The following EHBP1L1 variants were observed in gnomAD, a reference collection of about 807,000 sequenced individuals.
EHBP1L1 encodes EH domain binding protein 1 like 1, also known as EH domain-binding protein 1-like protein 1.
EHBP1L1 carries 122 observed loss-of-function variants against 151.1 expected under a neutral mutation model. The observed-to-expected ratio is 0.81, with a 90% confidence interval of 0.70 to 0.94. The LOEUF is 0.94. Among genes scored for constraint, EHBP1L1 ranks in the 40% least tolerant of loss-of-function variants. The pLI is 0.00. For missense variants in EHBP1L1, 1,941 were observed against 1,959.8 expected, an observed-to-expected ratio of 0.99 and a Z score of 0.18; for synonymous variants, 878 against 810.1, an observed-to-expected ratio of 1.08 and a Z score of -1.42.
In EHBP1L1 at chr11:65,588,746, C is replaced by T. The variant is rs373021615; in HGVS notation, c.3934-1005C>T. 5.2e-4 allele frequency among the ~76,000 whole-genome samples: 79 copies of T among 152,340 alleles called. 1 individual carries two copies. The South Asian group carries it at 0.016, about 30-fold the overall frequency. On this transcript the variant is annotated intron_variant, in intron 12 of 18. Transcript: ENST00000309295. Reference sequence around the variant, plus strand: ...GACAGTCCCAACAAGTCACTAGGGGCGGGCAGGTACATGGGGTCAGCCCTG... The same window carrying T: ...GACAGTCCCAACAAGTCACTAGGGGTGGGCAGGTACATGGGGTCAGCCCTG...
At chr11:65,590,370 CGAG>C in intron 15 of EHBP1L1, 120 bp from the exon 16 acceptor site, 1 of 1,493,416 alleles carries the variant, frequency 6.7e-7, no homozygotes, top group Non-Finnish European at 9.0e-7. Flanking sequence ...GTGGCTTCCT[CGAG>C]GCACACAGTT....
intron 12 of EHBP1L1, 37 bp from the exon 13 acceptor site, chr11:65,589,714 A>C: frequency 6.7e-7 from 1 of 1,495,614 alleles, no homozygotes; most frequent in East Asian, 2.5e-5. Context: ...GCTGGTGGGA[A>C]ACCCCTCCCA....
intron 3 of EHBP1L1, 138 bp downstream of exon 3, chr11:65,579,574 C>T: frequency 2.9e-6 from 2 of 701,426 alleles, no homozygotes; most frequent in Non-Finnish European, 4.5e-6. Flanking sequence ...GGGGGGCCTG[C>T]TCAGCATCAC....
At position 65,582,973 on chromosome 11, in the gene EHBP1L1, G is replaced by A; in HGVS notation, c.2301G>A (p.Gly767=). 6.2e-7 allele frequency: 1 copy of A among 1,613,044 alleles called. No homozygotes were observed. The highest frequency in any genetic ancestry group is 8.5e-7 in the Non-Finnish European group (1 of 1,179,582). Residue 767 remains glycine, a synonymous_variant, in exon 9 of 19, where the codon GGG becomes GGA. Coordinates refer to ENST00000309295, the MANE Select transcript of EHBP1L1 (RefSeq NM_001099409.3). ...GLLGVLGIET[G]AAEGAILGTQ... is the part of the protein sequence containing the mutation. ...TGGGGGTTCTGGGAATAGAGACTGGGGCAGCAGAAGGTGCGATATTGGGGA... is the reference window on the plus strand; with the variant it reads ...TGGGGGTTCTGGGAATAGAGACTGGAGCAGCAGAAGGTGCGATATTGGGGA...
At chr11:65,590,066 C>G in intron 14 of EHBP1L1, 21 bp from the exon 15 acceptor site, 1 of 1,613,796 alleles carries the variant, frequency 6.2e-7, no homozygotes. Context: ...CCACCCTGTT[C>G]TCTGCCTTTT....
Position 65,580,317 on chromosome 11 carries a change from C to G in EHBP1L1, c.492-20C>G. 6.2e-7 allele frequency: 1 copy of G among 1,613,604 alleles called. No individual in the cohort carries two copies. The highest frequency in any genetic ancestry group is 2.2e-5 in the East Asian group (1 of 44,888). On this transcript the variant is annotated intron_variant, in intron 5 of 18. Transcript: ENST00000309295. ...CTGTGACCTCTGACTCCACCCTCAC[C>G]TTTAACCTCTGCCTCCCAGGGACGA...
chr11:65,584,791 C>A, intron 11 of EHBP1L1, 168 bp from the exon 12 acceptor site: 1 of 1,058,362 alleles, frequency 9.4e-7, no homozygotes, highest in South Asian at 1.6e-5. Context: ...TGCTAAGCAA[C>A]GCGAGGGCGG....
In EHBP1L1 at chr11:65,589,816, C is replaced by G. The variant is rs374371821; in HGVS notation, c.3999C>G (p.Pro1333=). 6 of 1,563,362 alleles carry G rather than the reference C, an allele frequency of 3.8e-6. No individual in the cohort carries two copies. The African/African-American group carries it at 5.4e-5, about 14-fold the overall frequency. Residue 1333 remains proline (P), a synonymous_variant, in exon 13 of 19, where the codon CCC becomes CCG. Transcript: ENST00000309295. ...CCACAGCTGCAGACTCTCAACAGCCCCCTGGTGAGTAGCAGGAGTGGTGAC... is the reference window on the plus strand; with the variant it reads ...CCACAGCTGCAGACTCTCAACAGCCGCCTGGTGAGTAGCAGGAGTGGTGAC... ...GPPTAADSQQ[P]PGGSSPSEEP...
rs758253319 is a variant in EHBP1L1, at chr11:65,582,723, A to G, written c.2051A>G (p.Asp684Gly). Residue 684 changes from aspartate (D) to glycine (G), a missense_variant, in exon 9 of 19, where the codon GAT becomes GGT. Transcript: ENST00000309295. Reference sequence around the variant, plus strand: ...CTGGTGACCCAGGAGATATCTGGGGATTTAGGGCCACTGAAGATAGAAGAT... The same window carrying G: ...CTGGTGACCCAGGAGATATCTGGGGGTTTAGGGCCACTGAAGATAGAAGAT... ...EVLVTQEISG[D>G]LGPLKIEDTI... is the part of the protein sequence containing the mutation. 3 of 1,613,422 alleles carry G rather than the reference A, an allele frequency of 1.9e-6. No individual in the cohort carries two copies. Among genetic ancestry groups the G allele is most frequent in the Non-Finnish European group, 1.7e-6 (2 of 1,179,830 alleles).
At chr11:65,579,905 G>A (rs996655715) in intron 3 of EHBP1L1, 31 bp from the exon 4 acceptor site, 10 of 1,612,280 alleles carry the variant, frequency 6.2e-6, no homozygotes, top group Non-Finnish European at 6.8e-6. Context: ...TGCCCCAACA[G>A]TCCTGTACTC....
At chr11:65,583,850 C>T in intron 9 of EHBP1L1, 85 bp downstream of exon 9, 4 of 1,429,036 alleles carry the variant, frequency 2.8e-6, no homozygotes, top group Non-Finnish European at 3.6e-6. Flanking sequence ...ATGGACCCAC[C>T]TGGTGGAATG....
At chr11:65,580,880 TTC>T in intron 6 of EHBP1L1, 176 bp from the exon 7 acceptor site, 24 of 1,399,632 alleles carry the variant, frequency 1.7e-5, no homozygotes, top group South Asian at 3.1e-5. Context: ...ACTGTTGAGG[TTC>T]TCTCTCTCTT....
Position 65,591,588 on chromosome 11 carries a change from G to A in EHBP1L1, c.4284-212G>A, listed in dbSNP as rs1039264378. The A allele has an allele frequency of 9.7e-6, 6 of 617,852 alleles. No homozygotes were observed. The African/African-American group carries it at 1.1e-4, about 11-fold the overall frequency. The allele number at this position is 617,852 out of a possible 1,614,324, so 38.3% of individuals were successfully genotyped here. ...TCCTTCTGGGGGGTGTGTGGGAGGA[G>A]CAACACAAACACCCAGCAATTGGAG... On this transcript the variant is annotated intron_variant, in intron 16 of 18. Coordinates refer to ENST00000309295, the MANE Select transcript of EHBP1L1 (RefSeq NM_001099409.3).
chr11:65,584,691 T>C, intron 11 of EHBP1L1, 157 bp downstream of exon 11: 2 of 1,143,824 alleles, frequency 1.7e-6, no homozygotes, highest in Non-Finnish European at 2.5e-6. Context: ...TTGTTTTCCT[T>C]ATTTTCGTTT....
chr11:65,588,120 A>C (rs1198905943), intron 12 of EHBP1L1, among the ~76,000 whole-genome samples: 2 of 152,018 alleles, frequency 1.3e-5, no homozygotes, highest in East Asian at 3.9e-4. Flanking sequence ...CCTGGGGATC[A>C]GAGGAGGCTT....
rs746441216 is a variant in EHBP1L1 at position 65,581,014 on chromosome 11, C to T, written c.635-44C>T. 6.4e-6 allele frequency: 10 copies of T among 1,558,176 alleles called. No homozygotes were observed. In the South Asian group the frequency reaches 1.2e-4, roughly 18 times the overall value. The stretch of plus-strand genomic sequence containing the variant: ...AGGGGGTCAGGCCTGTGGGGCCCTG[C>T]CCTGGGCTGACTCTGCCCTTCTCCC... On this transcript the variant is annotated intron_variant, in intron 6 of 18. Coordinates refer to ENST00000309295, the MANE Select transcript of EHBP1L1 (RefSeq NM_001099409.3).
chr11:65,584,084 AACCCTTT>A (rs1324289942), intron 9 of EHBP1L1, 150 bp from the exon 10 acceptor site: 2 of 1,465,684 alleles, frequency 1.4e-6, no homozygotes, highest in African/African-American at 2.8e-5. Context: ...TGGATCTAGA[AACCCTTT>A]TACCTGGCCC....
chr11:65,584,388 C>A lies in EHBP1L1; in HGVS notation c.3241C>A (p.Pro1081Thr), dbSNP rs758299186. 1 of 1,612,900 alleles carries A rather than the reference C, an allele frequency of 6.2e-7. No individual in the cohort carries two copies. The highest frequency in any genetic ancestry group is 1.7e-5 in the Admixed American group (1 of 59,972). Residue 1081 changes from proline (P) to threonine (T), a missense_variant, in exon 10 of 19, where the codon CCA becomes ACA. By Grantham distance (38) the Pro-to-Thr change is conservative (BLOSUM62 -1). Coordinates refer to ENST00000309295, the MANE Select transcript of EHBP1L1 (RefSeq NM_001099409.3). ...CTGTGCCATCCTGCACCGATTCTAC[C>A]CAGACAAGATGTGAGCTGCCAGAGG... is the stretch of plus-strand genomic sequence containing the variant. Reference protein sequence around the residue: ...AFCAILHRFYPDKIDYASLDP... With the variant: ...AFCAILHRFYTDKIDYASLDP...
intron 8 of EHBP1L1, 62 bp downstream of exon 8, chr11:65,581,435 C>G: frequency 6.9e-7 from 1 of 1,449,372 alleles, no homozygotes. Flanking sequence ...GTCCTCACCC[C>G]CACCAACCTG....
Sources: gnomAD v4.1 joint callset for allele counts (sites outside exome capture counted in the v4.1 genomes callset) on GRCh38, gnomAD v4.1.1 for gene constraint, MANE v1.5 for transcripts, NCBI Gene and HGNC (gene_info 2026-07-23, HGNC 2026-07-21) for gene names.